Variants in FAM193A observed in about 807,000 individuals in gnomAD.
The protein encoded by FAM193A is family with sequence similarity 193 member A, also known as protein FAM193A.
FAM193A carries 22 observed loss-of-function variants against 126.5 expected under a neutral mutation model. That is an observed-to-expected ratio of 0.17 (90% CI 0.12 to 0.25). The LOEUF is 0.25. Among genes scored for constraint, FAM193A ranks in the 10% least tolerant of loss-of-function variants. The pLI is 1.00. For synonymous variants in FAM193A, 761 were observed against 646.8 expected (o/e 1.18, Z -2.68); for missense variants, 1,675 against 1,672.8 (o/e 1.00, Z -0.02).
At chr4:2,691,035 C>A in intron 15 of FAM193A, 65 bp downstream of exon 15, 1 of 1,438,742 alleles carries the variant, frequency 7.0e-7, no homozygotes, top group Non-Finnish European at 9.5e-7. Flanking sequence ...GACTTCTCGT[C>A]TTTGTAACTC....
Position 2,731,967 on chromosome 4 carries a change from C to G in FAM193A, c.*99C>G. Reference sequence around the variant, plus strand: ...GGCGCCCCAGAGCCGTGGTGCTTGCCAAGGGCTGTGCGGAGCTGGTGCTGC... The same window carrying G: ...GGCGCCCCAGAGCCGTGGTGCTTGCGAAGGGCTGTGCGGAGCTGGTGCTGC... On this transcript the variant is annotated 3_prime_UTR_variant, in exon 21 of 21. Transcript: ENST00000637812. 1 of 940,572 alleles carries G rather than the reference C, an allele frequency of 1.1e-6. No homozygotes were observed. The highest frequency in any genetic ancestry group is 1.3e-5 in the South Asian group (1 of 76,376). 58.3% of individuals were successfully genotyped at this position (940,572 alleles called of 1,614,324 possible). A position where few individuals can be genotyped will look rare whatever the true frequency, so the allele number is the denominator to read the frequency against.
At chr4:2,709,875 T>C (rs148713088) in intron 19 of FAM193A, among the ~76,000 whole-genome samples, 2 of 152,310 alleles carry the variant, frequency 1.3e-5, no homozygotes, top group Non-Finnish European at 2.9e-5. Context: ...AGCAGTCTTC[T>C]CTCCTCTCTG....
At chr4:2,609,861 T>G (rs977852674) in intron 2 of FAM193A, among the ~76,000 whole-genome samples, 16 of 149,184 alleles carry the variant, frequency 1.1e-4, no homozygotes, top group African/African-American at 3.5e-4. Context: ...CCCGGGAGGC[T>G]GAGGTTTCAG....
At chr4:2,611,489 G>T (rs1014326126) in intron 2 of FAM193A, among the ~76,000 whole-genome samples, 1 of 151,812 alleles carries the variant, frequency 6.6e-6, no homozygotes, top group African/African-American at 2.4e-5. Flanking sequence ...GGTCAGTCTG[G>T]TCTTGAACTC....
At chr4:2,721,608 G>A (rs1720165220) in intron 20 of FAM193A, among the ~76,000 whole-genome samples, 1 of 152,250 alleles carries the variant, frequency 6.6e-6, no homozygotes, top group South Asian at 2.1e-4. Flanking sequence ...AGGTGCTGCT[G>A]CTTCATGGGT....
At chr4:2,685,247 C>G (rs1307332016) in intron 13 of FAM193A, among the ~76,000 whole-genome samples, 2 of 152,146 alleles carry the variant, frequency 1.3e-5, no homozygotes, top group African/African-American at 4.8e-5. Context: ...GCCAAGTAGC[C>G]TTGGTCCCTT....
chr4:2,625,501 A>G, intron 3 of FAM193A, 106 bp downstream of exon 3: 1 of 548,476 alleles, frequency 1.8e-6, no homozygotes, highest in Non-Finnish European at 3.3e-6. Flanking sequence ...GACAGCAACA[A>G]GAGTAAGGCA....
At chr4:2,646,655 T>C (rs773201513) in intron 6 of FAM193A, 30 bp from the exon 7 acceptor site, 2 of 1,567,590 alleles carry the variant, frequency 1.3e-6, no homozygotes, top group East Asian at 2.3e-5. Context: ...TTGGGTTCTT[T>C]CCTTTGTTAC....
At chr4:2,582,586 G>T (rs565615466) in intron 1 of FAM193A, among the ~76,000 whole-genome samples, 1 of 151,580 alleles carries the variant, frequency 6.6e-6, no homozygotes, top group South Asian at 2.1e-4. Flanking sequence ...AGGACCAGGT[G>T]TTTTTTTGTT....
chr4:2,664,546 TCTA>T (rs1712867198), intron 12 of FAM193A, among the ~76,000 whole-genome samples: 2 of 146,104 alleles, frequency 1.4e-5, no homozygotes, highest in South Asian at 2.2e-4. Context: ...TTTCTCTCTC[TCTA>T]TTTTCTTTCT....
At chr4:2,693,546 G>T (rs1221846110) in intron 15 of FAM193A, 40 bp from the exon 16 acceptor site, 2 of 1,570,378 alleles carry the variant, frequency 1.3e-6, no homozygotes, top group East Asian at 2.3e-5. Context: ...GAACATTTTT[G>T]AAACAAACTT....
intron 1 of FAM193A, among the ~76,000 whole-genome samples, chr4:2,560,975 A>G (rs1247510551): frequency 6.6e-6 from 1 of 152,012 alleles, no homozygotes; most frequent in Non-Finnish European, 1.5e-5. Flanking sequence ...TTGGCACATG[A>G]CTGTGATATC....
intron 1 of FAM193A, among the ~76,000 whole-genome samples, chr4:2,569,371 T>C (rs1052875710): frequency 3.3e-5 from 5 of 152,180 alleles, no homozygotes; most frequent in Admixed American, 3.3e-4. Context: ...CTTCCAAAAA[T>C]TGGATTTTAT....
intron 12 of FAM193A, among the ~76,000 whole-genome samples, chr4:2,666,771 A>G (rs1173753586): frequency 6.6e-6 from 1 of 152,168 alleles, no homozygotes; most frequent in Non-Finnish European, 1.5e-5. Context: ...ACTCATTTAA[A>G]TTGTCTAATG....
chr4:2,555,729 T>C (rs1738214151), intron 1 of FAM193A, among the ~76,000 whole-genome samples: 1 of 152,226 alleles, frequency 6.6e-6, no homozygotes, highest in African/African-American at 2.4e-5. Context: ...GCCGTTCTCC[T>C]GCCTCAGCCT....
rs556389948 is a variant in FAM193A, at chr4:2,624,424, G to A, written c.502-838G>A. On this transcript the variant is annotated intron_variant, in intron 2 of 20. Transcript: ENST00000637812. ...CTCCCAAAGTGCTGGGATTATAGGC[G>A]TGAGCCACTGCCCCCGGCCAAGTGT... Among the ~76,000 whole-genome samples the A allele has an allele frequency of 4.3e-3, 660 of 152,332 alleles. 1 individual carries two copies. Among genetic ancestry groups the A allele is most frequent in the African/African-American group, 0.015 (634 of 41,588 alleles).
chr4:2,581,537 A>G (rs73207328), intron 1 of FAM193A, among the ~76,000 whole-genome samples: 40,654 of 151,992 alleles, frequency 0.27, 5,894 homozygotes, highest in Middle Eastern at 0.38. Flanking sequence ...TACAGGCGTG[A>G]GCCACCATGC....
In FAM193A at chr4:2,672,401, C is replaced by T. The variant is rs762093236; in HGVS notation, c.2331+29C>T. On this transcript the variant is annotated intron_variant, in intron 13 of 20. Coordinates refer to ENST00000637812, the MANE Select transcript of FAM193A (RefSeq NM_001366318.2). ...AGTCAGGGCAAAAAGGGTCTGAAAG[C>T]TCACTCTTCACTGAGATCCTACAGG... 4 of 1,611,558 alleles carry T rather than the reference C, an allele frequency of 2.5e-6. No homozygotes were observed. In the East Asian group the frequency reaches 8.9e-5, roughly 36 times the overall value.
At chr4:2,689,750 G>C (rs759627887) in intron 14 of FAM193A, 46 bp downstream of exon 14, 61 of 1,371,960 alleles carry the variant, frequency 4.4e-5, no homozygotes, top group Non-Finnish European at 6.1e-5. Context: ...AATAACCTGA[G>C]TAGACTGACA....
Sources: allele counts gnomAD v4.1 joint callset (sites outside exome capture counted in the v4.1 genomes callset), GRCh38; gene constraint gnomAD v4.1.1; transcripts MANE v1.5; gene names NCBI Gene and HGNC (gene_info 2026-07-23, HGNC 2026-07-21).